Variants in SPPL2A observed in about 807,000 individuals in gnomAD.
The protein encoded by SPPL2A is signal peptide peptidase-like 2A.
A neutral mutation model predicts 63.8 loss-of-function variants in SPPL2A; 51 were observed. The ratio of observed to expected loss-of-function variants is 0.80; its 90% confidence interval spans 0.64 to 1.01. The LOEUF is 1.01. SPPL2A is among the 50% of genes least tolerant of loss of function. The pLI, the probability that SPPL2A is intolerant of heterozygous loss-of-function variation, is 0.00. For synonymous variants in SPPL2A, 188 were observed against 205.8 expected (o/e 0.91, Z 0.74); for missense variants, 553 against 622.7 (o/e 0.89, Z 1.19).
At chr15:50,712,025 C>A (rs576189167) in intron 14 of SPPL2A, among the ~76,000 whole-genome samples, 1 of 152,174 alleles carries the variant, frequency 6.6e-6, no homozygotes, top group Non-Finnish European at 1.5e-5. Flanking sequence ...GAAGCTTATA[C>A]ACACATGCAA....
In SPPL2A at chr15:50,703,266, T is replaced by C. The variant is rs1047970795; in HGVS notation, c.*4534A>G. ...TACAGTTTTTGTTTTTGAAATTTCA[T>C]TGGTTAAGATCAGGCTGAAATTTTA... On this transcript the variant is annotated 3_prime_UTR_variant, in exon 15 of 15. Coordinates refer to ENST00000261854, the MANE Select transcript of SPPL2A (RefSeq NM_032802.4). 1 of 147,348 alleles carries C rather than the reference T, an allele frequency of 6.8e-6. No individual in the cohort carries two copies. The highest frequency in any genetic ancestry group is 2.0e-4 in the East Asian group (1 of 5,074). The allele number at this position is 147,348 out of a possible 1,614,324, so 9.1% of individuals were successfully genotyped here.
rs2062866943 is a variant in SPPL2A, at chr15:50,747,456, A to G, written c.584+39T>C. On this transcript the variant is annotated intron_variant, in intron 5 of 14. Transcript: ENST00000261854. ...ATTAAAATGATTGCAGAAATTTTTA[A>G]CCATTTATTACAAAAACGCTTAAGT... The G allele has an allele frequency of 1.9e-6, 3 of 1,540,222 alleles. No individual in the cohort carries two copies. In the African/African-American group the frequency reaches 4.2e-5, roughly 21 times the overall value.
chr15:50,748,700 A>G lies in SPPL2A; in HGVS notation c.348T>C (p.Asn116=). 6.3e-7 allele frequency: 1 copy of G among 1,596,710 alleles called. No homozygotes were observed. The change falls in exon 3 of 15, where the codon AAT becomes AAC. Residue 116 remains asparagine, a synonymous_variant. Transcript: ENST00000261854. ...KGGAEAMLVV[N]NSVLFPPSGN... ...TTTTATAACTTACTAGGACACTGTTATTGACAACTAACATTGCTTCAGCAC... is the reference window on the plus strand; with the variant it reads ...TTTTATAACTTACTAGGACACTGTTGTTGACAACTAACATTGCTTCAGCAC...
chr15:50,741,649 G>A (rs1340972389), intron 5 of SPPL2A, among the ~76,000 whole-genome samples: 1 of 152,072 alleles, frequency 6.6e-6, no homozygotes, highest in Non-Finnish European at 1.5e-5. Flanking sequence ...AGCATACAGT[G>A]TACTAGATTT....
chr15:50,762,165 C>G (rs575153258), intron 1 of SPPL2A, among the ~76,000 whole-genome samples: 3 of 151,802 alleles, frequency 2.0e-5, no homozygotes, highest in African/African-American at 7.3e-5. Context: ...GTCAGGAGTT[C>G]GAGACCAGCC....
At chr15:50,726,427 C>A in intron 10 of SPPL2A, 50 bp from the exon 11 acceptor site, 2 of 1,531,494 alleles carry the variant, frequency 1.3e-6, no homozygotes, top group South Asian at 1.1e-5. Flanking sequence ...AGAGAACAAT[C>A]TGCCACTATT....
At chr15:50,707,896 T>C (rs771518609) in intron 14 of SPPL2A, 22 bp from the exon 15 acceptor site, 8 of 1,391,260 alleles carry the variant, frequency 5.8e-6, no homozygotes, top group Non-Finnish European at 7.1e-6. Flanking sequence ...TAAAAGACGT[T>C]AGGAAATGCA....
chr15:50,762,983 T>A (rs1328673200), intron 1 of SPPL2A, among the ~76,000 whole-genome samples: 2 of 151,532 alleles, frequency 1.3e-5, no homozygotes, highest in Non-Finnish European at 2.9e-5. Flanking sequence ...GACCTTGTGA[T>A]CCACCCACCT....
Position 50,725,282 on chromosome 15 carries a change from T to C in SPPL2A, c.1188A>G (p.Ser396=), listed in dbSNP as rs376055592. The change falls in exon 12 of 15, where the codon TCA becomes TCG. Residue 396 remains serine (S), a synonymous_variant. Transcript: ENST00000261854. ...CAGGCATGAGGCACACACTCATTAC[T>C]GAGAAATAGATCAGTTTTGGTACTC... The part of the protein sequence containing the change: ...VIRVPKLIYF[S]VMSVCLMPVS... 1.3e-5 allele frequency: 21 copies of C among 1,609,052 alleles called. No homozygotes were observed. Among genetic ancestry groups the C allele is most frequent in the Non-Finnish European group, 1.8e-5 (21 of 1,176,778 alleles).
intron 1 of SPPL2A, among the ~76,000 whole-genome samples, chr15:50,751,700 T>C (rs2062907770): frequency 6.6e-6 from 1 of 152,246 alleles, no homozygotes; most frequent in Non-Finnish European, 1.5e-5. Context: ...ACCAGGATAT[T>C]AGCCTCCATG....
At chr15:50,757,467 C>A (rs1024679224) in intron 1 of SPPL2A, among the ~76,000 whole-genome samples, 1 of 152,146 alleles carries the variant, frequency 6.6e-6, no homozygotes, top group Non-Finnish European at 1.5e-5. Context: ...GACAAATGCT[C>A]CTTACTGCTC....
chr15:50,725,386 G>T, intron 11 of SPPL2A, 63 bp from the exon 12 acceptor site: 1 of 846,430 alleles, frequency 1.2e-6, no homozygotes, highest in Non-Finnish European at 2.0e-6. Flanking sequence ...GGCCGCCAAT[G>T]AACTTCTTGG....
Position 50,706,026 on chromosome 15 carries a change from G to C in SPPL2A, c.*1774C>G, listed in dbSNP as rs958034649. 3.9e-5 allele frequency: 6 copies of C among 152,130 alleles called. No individual in the cohort carries two copies. Among genetic ancestry groups the C allele is most frequent in the African/African-American group, 1.4e-4 (6 of 41,438 alleles). The allele number at this position is 152,130 out of a possible 1,614,324, so 9.4% of individuals were successfully genotyped here. A position where few individuals can be genotyped will look rare whatever the true frequency, so the allele number is the denominator to read the frequency against. The stretch of plus-strand genomic sequence containing the variant: ...CATCTAAAATTTACCAAAGAATGGG[G>C]AAAAAACTTTTTTCAAGTTGGAAGG... On this transcript the variant is annotated 3_prime_UTR_variant, in exon 15 of 15. Transcript: ENST00000261854.
intron 1 of SPPL2A, among the ~76,000 whole-genome samples, chr15:50,756,218 A>G (rs911605284): frequency 1.3e-5 from 2 of 151,706 alleles, no homozygotes; most frequent in South Asian, 2.1e-4. Context: ...AAAATTAGCC[A>G]GGTGTGGTGG....
At chr15:50,717,608 C>G (rs556607923) in intron 14 of SPPL2A, among the ~76,000 whole-genome samples, 5 of 152,296 alleles carry the variant, frequency 3.3e-5, no homozygotes, top group African/African-American at 1.2e-4. Flanking sequence ...ATGCTACATA[C>G]AAGGCTCTCA....
chr15:50,718,547 G>A (rs536403306), intron 14 of SPPL2A, among the ~76,000 whole-genome samples: 23 of 152,160 alleles, frequency 1.5e-4, no homozygotes, highest in African/African-American at 5.5e-4. Flanking sequence ...AAAGTTAAAA[G>A]TTACCTTACT....
rs1596370300 is a variant in SPPL2A at position 50,702,937 on chromosome 15, CAT to C, written c.*4861_*4862del. ...TCACTCTGAAAATTCAGTAATCTAG[CAT>C]ATGAGTATTACAGTAGAGGATCAAA... On this transcript the variant is annotated 3_prime_UTR_variant, in exon 15 of 15. Coordinates refer to ENST00000261854, the MANE Select transcript of SPPL2A (RefSeq NM_032802.4). The C allele has an allele frequency of 6.6e-6, 1 of 152,018 alleles. No homozygotes were observed. The highest frequency in any genetic ancestry group is 1.9e-4 in the East Asian group (1 of 5,200). The allele number at this position is 152,018 out of a possible 1,614,324, so 9.4% of individuals were successfully genotyped here.
chr15:50,728,491 C>A (rs989368241), intron 10 of SPPL2A, among the ~76,000 whole-genome samples: 18 of 151,504 alleles, frequency 1.2e-4, no homozygotes, highest in African/African-American at 3.6e-4. Flanking sequence ...CTACAGGTGC[C>A]CGCCACCATG....
intron 14 of SPPL2A, among the ~76,000 whole-genome samples, chr15:50,717,451 G>T (rs2062606718): frequency 6.6e-6 from 1 of 152,112 alleles, no homozygotes; most frequent in Non-Finnish European, 1.5e-5. Flanking sequence ...GCAATTATCA[G>T]GATAAACAAC....
Sources: allele counts gnomAD v4.1 joint callset (sites outside exome capture counted in the v4.1 genomes callset), GRCh38; gene constraint gnomAD v4.1.1; transcripts MANE v1.5; gene names NCBI Gene and HGNC (gene_info 2026-07-23, HGNC 2026-07-21).